Variants in PIEZO1 observed in about 807,000 individuals in gnomAD.
The protein encoded by PIEZO1 is piezo-type mechanosensitive ion channel component 1.
A neutral mutation model predicts 297.2 loss-of-function variants in PIEZO1; 296 were observed. The observed-to-expected ratio is 1.00, with a 90% CI of 0.91 to 1.10. The LOEUF (loss-of-function observed/expected upper bound fraction) is 1.10. Among genes scored for constraint, PIEZO1 ranks in the 50% least tolerant of loss-of-function variants. The pLI is 0.00. For synonymous variants in PIEZO1, 2,427 were observed against 1,507.5 expected (o/e 1.61, Z -14.13); for missense variants, 5,018 against 3,455.5 (o/e 1.45, Z -11.34).
intron 17 of PIEZO1, 53 bp downstream of exon 17, chr16:88,733,853 G>A: frequency 5.5e-6 from 8 of 1,463,648 alleles, no homozygotes; most frequent in Non-Finnish European, 7.2e-6. Flanking sequence ...CCCCCGAGCT[G>A]GGACATGGCA....
At chr16:88,733,174 C>T (rs940976139) in intron 19 of PIEZO1, 104 bp downstream of exon 19, 61 of 1,084,894 alleles carry the variant, frequency 5.6e-5, no homozygotes, top group Non-Finnish European at 7.7e-5. Flanking sequence ...CCTCCATCTC[C>T]ATTGCTGGCC....
At chr16:88,742,720 C>A in intron 2 of PIEZO1, 1 of 418,602 alleles carries the variant, frequency 2.4e-6, no homozygotes, top group South Asian at 2.4e-5. Context: ...GGGTGTGCTC[C>A]CTCATCCAGC....
intron 1 of PIEZO1, among the ~76,000 whole-genome samples, chr16:88,769,256 T>C (rs999638613): frequency 2.6e-5 from 4 of 152,224 alleles, no homozygotes; most frequent in Non-Finnish European, 2.9e-5. Flanking sequence ...CTCACTATGT[T>C]ACCCAGGCTG....
intron 1 of PIEZO1, among the ~76,000 whole-genome samples, chr16:88,756,371 G>A (rs1906655137): frequency 6.6e-6 from 1 of 152,168 alleles, no homozygotes; most frequent in Non-Finnish European, 1.5e-5. Flanking sequence ...GGCCGCACTG[G>A]CCACTGATGG....
rs1296072834 is a variant in PIEZO1 at position 88,715,419 on chromosome 16, C to T, written c.*186G>A. On this transcript the variant is annotated 3_prime_UTR_variant, in exon 51 of 51. Transcript: ENST00000301015. The stretch of plus-strand genomic sequence containing the variant: ...GTACACGTGGGGGACGGCAGCGCCA[C>T]GCAGGCCGTGGGGACGCAGTGTCCT... 63 of 939,302 alleles carry T rather than the reference C, an allele frequency of 6.7e-5. No individual in the cohort carries two copies. The highest frequency in any genetic ancestry group is 1.3e-4 in the East Asian group (5 of 38,174). The allele number at this position is 939,302 out of a possible 1,614,324, so 58.2% of individuals were successfully genotyped here. A position where few individuals can be genotyped will look rare whatever the true frequency, so the allele number is the denominator to read the frequency against.
chr16:88,731,845 A>C lies in PIEZO1; in HGVS notation c.3057T>G (p.Gly1019=). Residue 1019 remains glycine (G), a synonymous_variant, in exon 22 of 51, where the codon GGT becomes GGG. Transcript: ENST00000301015. ...QRMNFLVTLH[G]CWLVAILTRR... ...GGGTGAGGATGGCCACCAGCCAGCA[A>C]CCGTGCAGGGTCACCAGAAAGTTCA... 1 of 1,121,020 alleles carries C rather than the reference A, an allele frequency of 8.9e-7. No homozygotes were observed. 69.4% of individuals were successfully genotyped at this position (1,121,020 alleles called of 1,614,324 possible). A position where few individuals can be genotyped will look rare whatever the true frequency, so the allele number is the denominator to read the frequency against.
intron 1 of PIEZO1, among the ~76,000 whole-genome samples, chr16:88,754,439 C>G (rs1906553399): frequency 6.6e-6 from 1 of 152,206 alleles, no homozygotes; most frequent in Non-Finnish European, 1.5e-5. Flanking sequence ...GCCTGAGCCC[C>G]CCTGCCAGGA....
intron 1 of PIEZO1, among the ~76,000 whole-genome samples, chr16:88,768,910 G>T (rs908939092): frequency 6.6e-6 from 1 of 152,218 alleles, no homozygotes; most frequent in African/African-American, 2.4e-5. Context: ...CCATGGCCGG[G>T]GCCGGATGCA....
rs1329669499 is a variant in PIEZO1 at position 88,717,189 on chromosome 16, T to G, written c.6494A>C (p.Gln2165Pro). ...GTACTTGACGATCTTCTTCTTCTTCTGCCCTTTGGGCTGCGGGTATTTCTG... is the reference window on the plus strand; with the variant it reads ...GTACTTGACGATCTTCTTCTTCTTCGGCCCTTTGGGCTGCGGGTATTTCTG... ...TEKKYPQPKG[Q>P]KKKKIVKYGM... Residue 2165 changes from glutamine (Q) to proline (P), a missense_variant, in exon 45 of 51, where the codon CAG becomes CCG. Gln to Pro is a moderately conservative substitution (Grantham distance 76). Coordinates refer to ENST00000301015, the MANE Select transcript of PIEZO1 (RefSeq NM_001142864.4). 4 of 1,549,922 alleles carry G rather than the reference T, an allele frequency of 2.6e-6. No homozygotes were observed. In the African/African-American group the frequency reaches 5.5e-5, roughly 21 times the overall value.
intron 1 of PIEZO1, among the ~76,000 whole-genome samples, chr16:88,759,206 G>A (rs930069568): frequency 3.9e-5 from 6 of 152,242 alleles, no homozygotes; most frequent in African/African-American, 1.2e-4. Context: ...GACATCAGTC[G>A]TCTGAGTCCC....
chr16:88,717,394 C>T (rs1461471955), intron 44 of PIEZO1, 183 bp from the exon 45 acceptor site: 2 of 655,240 alleles, frequency 3.1e-6, no homozygotes, highest in Non-Finnish European at 5.5e-6. Context: ...TTGGAACCCT[C>T]ATGTTCAGGG....
At chr16:88,773,508 G>A (rs1280769080) in intron 1 of PIEZO1, among the ~76,000 whole-genome samples, 4 of 152,248 alleles carry the variant, frequency 2.6e-5, no homozygotes. Flanking sequence ...GGTGAAGACA[G>A]CAGCTGGCGC....
At chr16:88,756,423 G>A (rs1326887885) in intron 1 of PIEZO1, among the ~76,000 whole-genome samples, 6 of 152,338 alleles carry the variant, frequency 3.9e-5, no homozygotes, top group African/African-American at 1.4e-4. Flanking sequence ...CGTGTGACAT[G>A]TCCTCAGGAA....
chr16:88,726,123 G>C (rs1213034359), intron 27 of PIEZO1, 161 bp downstream of exon 27: 1 of 625,330 alleles, frequency 1.6e-6, no homozygotes, highest in Non-Finnish European at 2.8e-6. Context: ...ATGGTGCCGG[G>C]GATCTGCCGG....
chr16:88,740,806 G>A (rs1905595086), intron 5 of PIEZO1: 1 of 152,232 alleles, frequency 6.6e-6, no homozygotes, highest in Non-Finnish European at 1.5e-5. Context: ...CGTGGGCCAG[G>A]ACACCCAGGT....
intron 1 of PIEZO1, among the ~76,000 whole-genome samples, chr16:88,751,769 G>A (rs543474028): frequency 6.6e-6 from 1 of 152,024 alleles, no homozygotes; most frequent in East Asian, 1.9e-4. Flanking sequence ...CTCCACAGCT[G>A]CACTTTTCAG....
chr16:88,759,304 C>T (rs1039034804), intron 1 of PIEZO1, among the ~76,000 whole-genome samples: 1 of 152,196 alleles, frequency 6.6e-6, no homozygotes, highest in African/African-American at 2.4e-5. Flanking sequence ...CTTTTGCTAC[C>T]AGCTGAGCAT....
At position 88,719,470 on chromosome 16, in the gene PIEZO1, G is replaced by A. The variant is rs1313169686; in HGVS notation, c.6471+104C>T. On this transcript the variant is annotated intron_variant, in intron 44 of 50. Coordinates refer to ENST00000301015, the MANE Select transcript of PIEZO1 (RefSeq NM_001142864.4). ...ATGTCCCCATGGGCTCCGAGCCCTG[G>A]GAGGGCCTCCAGCACCACGGGTTCT... 3 of 1,137,318 alleles carry A rather than the reference G, an allele frequency of 2.6e-6. No homozygotes were observed. The African/African-American group carries it at 4.6e-5, about 18-fold the overall frequency. The allele number at this position is 1,137,318 out of a possible 1,614,324, so 70.5% of individuals were successfully genotyped here.
chr16:88,783,612 G>A (rs917482683), intron 1 of PIEZO1, among the ~76,000 whole-genome samples: 2 of 152,194 alleles, frequency 1.3e-5, no homozygotes, highest in Non-Finnish European at 2.9e-5. Flanking sequence ...GGCACAGGAA[G>A]GAACACAGCC....
Sources: allele counts gnomAD v4.1 joint callset (sites outside exome capture counted in the v4.1 genomes callset), GRCh38; gene constraint gnomAD v4.1.1; transcripts MANE v1.5; gene names NCBI Gene and HGNC (gene_info 2026-07-23, HGNC 2026-07-21).